The following CDH9 variants were observed in gnomAD, a reference collection of about 807,000 sequenced individuals.
CDH9 encodes the protein cadherin 9.
Under a neutral mutation model 70.9 loss-of-function variants are expected in CDH9, and 28 were observed. That is an observed-to-expected ratio of 0.40 (90% CI 0.29 to 0.54). The LOEUF is 0.54. CDH9 is among the 20% of genes least tolerant of loss of function. CDH9 has a pLI of 0.59. For synonymous variants in CDH9, 409 were observed against 343.1 expected, an observed-to-expected ratio of 1.19 and a Z score of -2.12; for missense variants, 874 against 984.4, an observed-to-expected ratio of 0.89 and a Z score of 1.50.
chr5:27,002,520 C>T (rs1241280525), intron 1 of CDH9, among the ~76,000 whole-genome samples: 1 of 152,044 alleles, frequency 6.6e-6, no homozygotes, highest in Non-Finnish European at 1.5e-5. Context: ...GGAACCAACC[C>T]AAATGTCCAT....
At chr5:26,929,653 C>T (rs1417566494) in intron 2 of CDH9, among the ~76,000 whole-genome samples, 1 of 152,002 alleles carries the variant, frequency 6.6e-6, no homozygotes, top group Non-Finnish European at 1.5e-5. Flanking sequence ...TGGAGTACTA[C>T]TCAGCCATAA....
At chr5:26,997,732 A>T (rs140251596) in intron 1 of CDH9, among the ~76,000 whole-genome samples, 1,668 of 149,784 alleles carry the variant, frequency 0.011, 91 homozygotes, top group Admixed American at 0.089. Context: ...GATGGAATCC[A>T]CTCTGTCTCC....
intron 2 of CDH9, among the ~76,000 whole-genome samples, chr5:26,923,323 T>C (rs1309466601): frequency 1.3e-5 from 2 of 151,554 alleles, no homozygotes; most frequent in Non-Finnish European, 3.0e-5. Flanking sequence ...CAAAGAAAAT[T>C]ATTACTATAT....
chr5:26,938,459 C>CTA (rs1439657794), intron 2 of CDH9, among the ~76,000 whole-genome samples: 8 of 151,626 alleles, frequency 5.3e-5, no homozygotes, highest in Admixed American at 3.3e-4. Flanking sequence ...GGATAGGATA[C>CTA]TATATATATA....
chr5:26,958,510 A>G (rs1012991095), intron 2 of CDH9, among the ~76,000 whole-genome samples: 6 of 152,200 alleles, frequency 3.9e-5, no homozygotes, highest in African/African-American at 1.4e-4. Context: ...GTTCAGCGGT[A>G]AGTCAGAAGA....
At chr5:26,882,832 C>T (rs1439646464) in intron 11 of CDH9, among the ~76,000 whole-genome samples, 1 of 151,282 alleles carries the variant, frequency 6.6e-6, no homozygotes, top group Non-Finnish European at 1.5e-5. Flanking sequence ...ACAAAGCATA[C>T]TCATTGTCAT....
At chr5:26,955,664 A>G (rs1417993389) in intron 2 of CDH9, among the ~76,000 whole-genome samples, 6 of 152,018 alleles carry the variant, frequency 3.9e-5, no homozygotes, top group Non-Finnish European at 8.8e-5. Context: ...CCCTTTTGTT[A>G]TAAATGGCAC....
chr5:26,919,989 G>A (rs1386416885), intron 2 of CDH9, among the ~76,000 whole-genome samples: 9 of 152,122 alleles, frequency 5.9e-5, no homozygotes, highest in African/African-American at 2.2e-4. Context: ...CGTGGGAAGA[G>A]AATCCTGCTT....
chr5:26,945,140 T>A (rs1223058321), intron 2 of CDH9, among the ~76,000 whole-genome samples: 1 of 152,022 alleles, frequency 6.6e-6, no homozygotes, highest in Non-Finnish European at 1.5e-5. Context: ...GGGGAGGAGT[T>A]GTATAATTCT....
intron 7 of CDH9, among the ~76,000 whole-genome samples, chr5:26,896,884 G>A (rs1740761159): frequency 6.6e-6 from 1 of 151,864 alleles, no homozygotes; most frequent in Non-Finnish European, 1.5e-5. Context: ...TTCAGGAGTA[G>A]TTTTTTTGAA....
intron 2 of CDH9, among the ~76,000 whole-genome samples, chr5:26,962,069 A>ATGCGG (rs1742046479): frequency 6.6e-6 from 1 of 152,126 alleles, no homozygotes; most frequent in African/African-American, 2.4e-5. Flanking sequence ...GAGTGAGAAC[A>ATGCGG]TGCGGTGTTT....
chr5:26,963,613 G>T (rs1386134563), intron 2 of CDH9, among the ~76,000 whole-genome samples: 1 of 152,024 alleles, frequency 6.6e-6, no homozygotes, highest in Non-Finnish European at 1.5e-5. Flanking sequence ...AGAAACTTGG[G>T]AGATTTTACT....
At chr5:27,024,978 GA>G (rs1743197853) in intron 1 of CDH9, among the ~76,000 whole-genome samples, 1 of 151,962 alleles carries the variant, frequency 6.6e-6, no homozygotes, top group Non-Finnish European at 1.5e-5. Context: ...AAGCAATGCA[GA>G]AAAAAATAAT....
intron 11 of CDH9, among the ~76,000 whole-genome samples, chr5:26,881,876 G>T (rs1463282280): frequency 6.6e-6 from 1 of 151,982 alleles, no homozygotes; most frequent in Non-Finnish European, 1.5e-5. Flanking sequence ...CTTTATTCAA[G>T]TACAACTATT....
At chr5:26,919,127 G>C (rs993459346) in intron 2 of CDH9, among the ~76,000 whole-genome samples, 1 of 152,122 alleles carries the variant, frequency 6.6e-6, no homozygotes, top group African/African-American at 2.4e-5. Flanking sequence ...AGTGACCACA[G>C]TACCTGATTT....
At chr5:27,009,744 T>C (rs892273043) in intron 1 of CDH9, among the ~76,000 whole-genome samples, 2 of 152,156 alleles carry the variant, frequency 1.3e-5, no homozygotes, top group Non-Finnish European at 2.9e-5. Flanking sequence ...GTGGTTTCTC[T>C]GGCAGGATAA....
chr5:26,908,156 A>T (rs1740982082), intron 3 of CDH9, among the ~76,000 whole-genome samples: 1 of 152,150 alleles, frequency 6.6e-6, no homozygotes, highest in African/African-American at 2.4e-5. Flanking sequence ...CTCAACTGTG[A>T]TGGAATTGAT....
chr5:26,906,882 C>A, intron 3 of CDH9, 44 bp from the exon 4 acceptor site: 1 of 1,523,324 alleles, frequency 6.6e-7, no homozygotes, highest in Non-Finnish European at 8.9e-7. Flanking sequence ...TTACATACTT[C>A]CAAATCTGAA....
chr5:27,018,567 C>T (rs748575738), intron 1 of CDH9, among the ~76,000 whole-genome samples: 13 of 151,954 alleles, frequency 8.6e-5, no homozygotes, highest in African/African-American at 2.2e-4. Context: ...GATGGTCCTA[C>T]GCTTTTTAAT....
Sources: gnomAD v4.1 joint callset for allele counts (sites outside exome capture counted in the v4.1 genomes callset) on GRCh38, gnomAD v4.1.1 for gene constraint, MANE v1.5 for transcripts, NCBI Gene and HGNC (gene_info 2026-07-23, HGNC 2026-07-21) for gene names.